Variants in PXDNL observed in about 807,000 individuals in gnomAD.
PXDNL encodes probable oxidoreductase PXDNL.
A neutral mutation model predicts 150.8 loss-of-function variants in PXDNL; 145 were observed. The observed-to-expected ratio is 0.96, with a 90% CI of 0.84 to 1.10. The LOEUF is 1.10. PXDNL is among the 50% of genes least tolerant of loss of function. The pLI is 0.00. For synonymous variants in PXDNL, 757 were observed against 725.7 expected (o/e 1.04, Z -0.69); for missense variants, 2,087 against 1,873.9 (o/e 1.11, Z -2.10).
intron 2 of PXDNL, among the ~76,000 whole-genome samples, chr8:51,612,239 G>T (rs992902217): frequency 6.6e-6 from 1 of 152,134 alleles, no homozygotes; most frequent in Non-Finnish European, 1.5e-5. Context: ...ACCCTGTCCT[G>T]TTCTGTAGGG....
chr8:51,608,384 G>A (rs1209275239), intron 2 of PXDNL, among the ~76,000 whole-genome samples: 6 of 102,000 alleles, frequency 5.9e-5, no homozygotes, highest in South Asian at 5.9e-4. Context: ...GAGAGACTCC[G>A]TCAAAAAAAA....
At chr8:51,399,725 C>G (rs755785368) in intron 17 of PXDNL, among the ~76,000 whole-genome samples, 1 of 152,118 alleles carries the variant, frequency 6.6e-6, no homozygotes, top group Non-Finnish European at 1.5e-5. Context: ...GTACCACATG[C>G]CACTTTTGAT....
At chr8:51,339,083 A>G (rs1805914321) in intron 21 of PXDNL, among the ~76,000 whole-genome samples, 1 of 152,200 alleles carries the variant, frequency 6.6e-6, no homozygotes, top group Non-Finnish European at 1.5e-5. Flanking sequence ...CAGAGCCCTG[A>G]GCGTTAGGTA....
chr8:51,578,036 AGG>A lies in PXDNL; in HGVS notation c.308+14589_308+14590del, dbSNP rs1267460994. On this transcript the variant is annotated intron_variant, in intron 3 of 22. Transcript: ENST00000356297. ...AAGGAAGGAAGGAAGGAAGGAAGGA[AGG>A]AAGGAAGGAAGGAAAGAAAGAAAGG... 4.3e-5 allele frequency among the ~76,000 whole-genome samples: 6 copies of A among 141,142 alleles called. 1 individual carries two copies. Among genetic ancestry groups the A allele is most frequent in the African/African-American group, 1.7e-4 (6 of 35,070 alleles). The allele number at this position is 141,142 out of a possible 152,430, so 92.6% of individuals were successfully genotyped here.
intron 19 of PXDNL, among the ~76,000 whole-genome samples, chr8:51,348,225 T>A (rs1806222177): frequency 6.6e-6 from 1 of 152,262 alleles, no homozygotes; most frequent in African/African-American, 2.4e-5. Flanking sequence ...AGATAAACTC[T>A]CATCATCTAT....
chr8:51,644,950 C>A (rs951228731), intron 2 of PXDNL, among the ~76,000 whole-genome samples: 1 of 151,734 alleles, frequency 6.6e-6, no homozygotes, highest in African/African-American at 2.4e-5. Flanking sequence ...GAAACAGAAC[C>A]AATAGGAAAT....
intron 4 of PXDNL, among the ~76,000 whole-genome samples, chr8:51,511,556 A>C (rs1031360928): frequency 6.6e-6 from 1 of 152,110 alleles, no homozygotes; most frequent in South Asian, 2.1e-4. Context: ...TCCCCTTCCC[A>C]AGCTTATGTA....
rs574876945 is a variant in PXDNL, at chr8:51,430,100, C to T, written c.1526-3342G>A. On this transcript the variant is annotated intron_variant, in intron 12 of 22. Coordinates refer to ENST00000356297, the MANE Select transcript of PXDNL (RefSeq NM_144651.5). Reference sequence around the variant, plus strand: ...GTCTGATGTCCTTTATCGCCAGCTGCTTTCACCTCCTGACACAACAGTTGC... The same window carrying T: ...GTCTGATGTCCTTTATCGCCAGCTGTTTTCACCTCCTGACACAACAGTTGC... Among the ~76,000 whole-genome samples, 5 of 152,268 alleles carry T rather than the reference C, an allele frequency of 3.3e-5. 1 individual carries two copies. The South Asian group carries it at 1.0e-3, about 32-fold the overall frequency.
chr8:51,494,606 C>A (rs1198769008), intron 5 of PXDNL, among the ~76,000 whole-genome samples: 4 of 151,788 alleles, frequency 2.6e-5, no homozygotes, highest in Non-Finnish European at 5.9e-5. Context: ...AAATAGAAAA[C>A]AACAAAAGGC....
In PXDNL at chr8:51,625,681, T is replaced by A. The variant is rs1297451837; in HGVS notation, c.236+29008A>T. ...GAATTGCTTAAAGGAAAAATCAAGTTGGTAAGTTGGAAAGAACAACGTAGA... is the reference window on the plus strand; with the variant it reads ...GAATTGCTTAAAGGAAAAATCAAGTAGGTAAGTTGGAAAGAACAACGTAGA... On this transcript the variant is annotated intron_variant, in intron 2 of 22. Coordinates refer to ENST00000356297, the MANE Select transcript of PXDNL (RefSeq NM_144651.5). 2.0e-5 allele frequency among the ~76,000 whole-genome samples: 3 copies of A among 152,292 alleles called. No individual in the cohort carries two copies. In the East Asian group the frequency reaches 5.8e-4, roughly 29 times the overall value.
At chr8:51,541,573 C>A (rs1812218550) in intron 4 of PXDNL, among the ~76,000 whole-genome samples, 1 of 152,144 alleles carries the variant, frequency 6.6e-6, no homozygotes, top group Admixed American at 6.5e-5. Flanking sequence ...ACGTGCAGAT[C>A]ATTGTCCGGC....
intron 6 of PXDNL, among the ~76,000 whole-genome samples, chr8:51,481,669 A>G (rs1810606756): frequency 6.6e-6 from 1 of 152,188 alleles, no homozygotes; most frequent in Non-Finnish European, 1.5e-5. Flanking sequence ...CAGTTTCTGA[A>G]CATGGTGCCC....
chr8:51,772,660 G>C (rs2037311313), intron 1 of PXDNL, among the ~76,000 whole-genome samples: 1 of 152,210 alleles, frequency 6.6e-6, no homozygotes, highest in Admixed American at 6.5e-5. Flanking sequence ...GGGTGACCCA[G>C]TGTCTCTAGG....
At chr8:51,380,683 T>C (rs899983721) in intron 17 of PXDNL, among the ~76,000 whole-genome samples, 2 of 152,246 alleles carry the variant, frequency 1.3e-5, no homozygotes, top group Non-Finnish European at 2.9e-5. Flanking sequence ...ATTGTACTTT[T>C]CAATACAATT....
intron 3 of PXDNL, among the ~76,000 whole-genome samples, chr8:51,568,985 C>T (rs1036041548): frequency 4.0e-5 from 6 of 151,832 alleles, no homozygotes; most frequent in African/African-American, 1.4e-4. Context: ...GCTTAAATTA[C>T]CCACCTATTC....
At chr8:51,530,863 C>G (rs1811886577) in intron 4 of PXDNL, among the ~76,000 whole-genome samples, 1 of 152,022 alleles carries the variant, frequency 6.6e-6, no homozygotes, top group Non-Finnish European at 1.5e-5. Context: ...TTATTTCTCT[C>G]TCCTTCCTAA....
At chr8:51,773,107 G>A (rs1204774047) in intron 1 of PXDNL, among the ~76,000 whole-genome samples, 1 of 152,178 alleles carries the variant, frequency 6.6e-6, no homozygotes, top group Non-Finnish European at 1.5e-5. Flanking sequence ...GATGAACTAT[G>A]GATATATGCA....
intron 2 of PXDNL, among the ~76,000 whole-genome samples, chr8:51,653,814 AC>A (rs56066900): frequency 0.56 from 85,579 of 152,002 alleles, 27,999 homozygotes; most frequent in Non-Finnish European, 0.72. Flanking sequence ...GAATATTATG[AC>A]AAGAAGACAA....
intron 2 of PXDNL, among the ~76,000 whole-genome samples, chr8:51,603,533 T>G (rs1350343761): frequency 6.6e-6 from 1 of 152,090 alleles, no homozygotes; most frequent in African/African-American, 2.4e-5. Flanking sequence ...TTTTTGAATA[T>G]AGGATATTGA....
Sources: gnomAD v4.1 joint callset for allele counts (sites outside exome capture counted in the v4.1 genomes callset) on GRCh38, gnomAD v4.1.1 for gene constraint, MANE v1.5 for transcripts, NCBI Gene and HGNC (gene_info 2026-07-23, HGNC 2026-07-21) for gene names.